The following PCDH12 variants were observed in gnomAD, a reference collection of about 807,000 sequenced individuals.
PCDH12 encodes the protein protocadherin-12.
In PCDH12, 45 loss-of-function variants were observed where a neutral mutation model predicts 70.9. That is an observed-to-expected ratio of 0.63 (90% CI 0.50 to 0.81). The LOEUF is 0.81. PCDH12 is among the 40% of genes least tolerant of loss of function. The pLI is 0.00. For missense variants in PCDH12, 1,370 were observed against 1,491.7 expected, an observed-to-expected ratio of 0.92 and a Z score of 1.34; for synonymous variants, 567 against 626.0, an observed-to-expected ratio of 0.91 and a Z score of 1.41.
Position 141,945,390 on chromosome 5 carries a change from C to CCTGCTCCTG in PCDH12, c.3545_3546insCAGGAGCAG (p.Ser1181_Arg1182insSerArgSer), listed in dbSNP as rs1554079422. On this transcript the variant is annotated inframe_insertion, in exon 4 of 4. Coordinates refer to ENST00000231484, the MANE Select transcript of PCDH12 (RefSeq NM_016580.4). The stretch of plus-strand genomic sequence containing the variant: ...GGCGTCTGAGGTATGTTCACAGGCA[C>CCTGCTCCTG]CTGCTGCTGCTGCTGCTGCCTCTGC... 5.2e-6 allele frequency: 8 copies of CCTGCTCCTG among 1,551,174 alleles called. No individual in the cohort carries two copies. The highest frequency in any genetic ancestry group is 7.1e-6 in the Non-Finnish European group (8 of 1,133,232).
chr5:141,945,962 G>T (rs1380073421), intron 3 of PCDH12, among the ~76,000 whole-genome samples, 157 bp from the exon 4 acceptor site: 2 of 152,186 alleles, frequency 1.3e-5, no homozygotes, highest in African/African-American at 4.8e-5. Flanking sequence ...GAAGGAAGAG[G>T]CCCTGACAGG....
rs767329852 is a variant in PCDH12, at chr5:141,945,790, C to G, written c.3146G>C (p.Arg1049Pro). 6.2e-6 allele frequency: 10 copies of G among 1,612,156 alleles called. No homozygotes were observed. In the South Asian group the frequency reaches 9.9e-5, roughly 16 times the overall value. ...LDPSTGLALD[R>P]LSAPDPAWMA... Reference sequence around the variant, plus strand: ...CCAGGCCGGGTCAGGGGCGCTCAGCCGGTCCAGGGCCAGACCTGTGGGGGA... The same window carrying G: ...CCAGGCCGGGTCAGGGGCGCTCAGCGGGTCCAGGGCCAGACCTGTGGGGGA... The change falls in exon 4 of 4, where the codon CGG (arginine) becomes CCG (proline). Residue 1049 changes from arginine (R) to proline (P), a missense_variant. Transcript: ENST00000231484.
rs778658899 is a variant in PCDH12, at chr5:141,955,235, C to A, written c.2617G>T (p.Gly873Cys). Residue 873 changes from glycine to cysteine, a missense_variant, in exon 1 of 4, where the codon GGC becomes TGC. Transcript: ENST00000231484. This position sits in a 1 kb window ranked among gnomAD's most constrained non-coding sequence, Gnocchi z 5.5. ...LNLPEPQPAT[G>C]QPRSRPLKVA... ...TTCAGAGGCCTGGAACGTGGCTGGC[C>A]TGTGGCAGGCTGGGGCTCGGGAAGG... 15 of 1,614,236 alleles carry A rather than the reference C, an allele frequency of 9.3e-6. No homozygotes were observed. In the Admixed American group the frequency reaches 2.2e-4, roughly 23 times the overall value.
At chr5:141,951,613 T>C in intron 1 of PCDH12, 23 bp from the exon 2 acceptor site, 1 of 1,556,582 alleles carries the variant, frequency 6.4e-7, no homozygotes, top group Non-Finnish European at 8.9e-7. Flanking sequence ...AAAAATCTGT[T>C]GACTCCACAC....
rs767116673 is a variant in PCDH12 at position 141,956,480 on chromosome 5, G to A, written c.1372C>T (p.Pro458Ser). 6.2e-7 allele frequency: 1 copy of A among 1,614,218 alleles called. No individual in the cohort carries two copies. Among genetic ancestry groups the A allele is most frequent in the South Asian group, 1.1e-5 (1 of 91,090 alleles). Residue 458 changes from proline to serine, a missense_variant, in exon 1 of 4, where the codon CCT (proline) becomes TCT (serine). By Grantham distance (74) the Pro-to-Ser change is moderately conservative. Coordinates refer to ENST00000231484, the MANE Select transcript of PCDH12 (RefSeq NM_016580.4). ...IQISDINDNA[P>S]VFEKSRYEVS... ...TCATACCTGCTTTTCTCAAACACAG[G>A]TGCATTGTCGTTGATGTCACTGATC...
intron 3 of PCDH12, among the ~76,000 whole-genome samples, chr5:141,947,709 G>A (rs1752975223): frequency 1.3e-5 from 2 of 152,322 alleles, no homozygotes; most frequent in African/African-American, 2.4e-5. Flanking sequence ...TATCATGGTC[G>A]CATTCTCAAG....
chr5:141,956,071 G>A lies in PCDH12; in HGVS notation c.1781C>T (p.Thr594Ile), dbSNP rs1753177816. ...STGHLLVPIE[T>I]PNGLGPAGTD... The stretch of plus-strand genomic sequence containing the variant: ...GCCCGCTGGGCCCAAGCCATTGGGA[G>A]TCTCGATGGGCACCAGCAGGTGGCC... Residue 594 changes from threonine (T) to isoleucine (I), a missense_variant, in exon 1 of 4, where the codon ACT becomes ATT. Transcript: ENST00000231484. 1 of 1,614,086 alleles carries A rather than the reference G, an allele frequency of 6.2e-7. No homozygotes were observed. The highest frequency in any genetic ancestry group is 1.3e-5 in the African/African-American group (1 of 74,942).
intron 1 of PCDH12, among the ~76,000 whole-genome samples, chr5:141,954,131 G>T (rs1596645694): frequency 6.6e-6 from 1 of 152,112 alleles, no homozygotes; most frequent in African/African-American, 2.4e-5. Context: ...GGAAAATGAG[G>T]CTCAGATGTT....
chr5:141,949,539 C>A lies in PCDH12; in HGVS notation c.3023G>T (p.Gly1008Val). ...TTCCTCCTGTTCTGGGTCTGTCTGG[C>A]CTCCAGCCCTTGCACTTGGGCCATC... Reference protein sequence around the residue: ...DTDGPSARAGGQTDPEQEEGP... With the variant: ...DTDGPSARAGVQTDPEQEEGP... Residue 1008 changes from glycine (G) to valine (V), a missense_variant, in exon 3 of 4, where the codon GGC (glycine) becomes GTC (valine). Coordinates refer to ENST00000231484, the MANE Select transcript of PCDH12 (RefSeq NM_016580.4). 6.2e-7 allele frequency: 1 copy of A among 1,614,190 alleles called. No individual in the cohort carries two copies. The highest frequency in any genetic ancestry group is 8.5e-7 in the Non-Finnish European group (1 of 1,180,020).
chr5:141,957,142 G>A lies in PCDH12; in HGVS notation c.710C>T (p.Ser237Phe), dbSNP rs1165640830. The change falls in exon 1 of 4, where the codon TCC (serine) becomes TTC (phenylalanine). Residue 237 changes from serine (S) to phenylalanine (F), a missense_variant. Coordinates refer to ENST00000231484, the MANE Select transcript of PCDH12 (RefSeq NM_016580.4). This position sits in a 1 kb window ranked among gnomAD's most constrained non-coding sequence, Gnocchi z 4.3. Reference sequence around the variant, plus strand: ...AGCAAACGCAGGGCTATTGTCATTGGAGTCCAAGACGTTGACCTTGACCAA... The same window carrying A: ...AGCAAACGCAGGGCTATTGTCATTGAAGTCCAAGACGTTGACCTTGACCAA... ...TSLVKVNVLD[S>F]NDNSPAFAES... The A allele has an allele frequency of 3.7e-6, 6 of 1,614,158 alleles. No individual in the cohort carries two copies. In the South Asian group the frequency reaches 5.5e-5, roughly 15 times the overall value.
At chr5:141,951,756 C>G (rs1195060303) in intron 1 of PCDH12, among the ~76,000 whole-genome samples, 166 bp from the exon 2 acceptor site, 2 of 152,230 alleles carry the variant, frequency 1.3e-5, no homozygotes, top group Non-Finnish European at 2.9e-5. Flanking sequence ...AGACAGGGAC[C>G]TGGGCGGGCA....
chr5:141,951,684 A>G (rs554639440), intron 1 of PCDH12, 94 bp from the exon 2 acceptor site: 35 of 902,484 alleles, frequency 3.9e-5, no homozygotes, highest in South Asian at 5.4e-5. Flanking sequence ...CTTTCTTTTT[A>G]TAGTCTTTCC....
chr5:141,956,454 T>C lies in PCDH12; in HGVS notation c.1398A>G (p.Glu466=). Residue 466 remains glutamate, a synonymous_variant, in exon 1 of 4, where the codon GAA becomes GAG. Transcript: ENST00000231484. ...NAPVFEKSRY[E]VSTRENNLPS... is the part of the protein sequence containing the mutation. The stretch of plus-strand genomic sequence containing the variant: ...GTAAGTTGTTTTCCCGCGTGGAGAC[T>C]TCATACCTGCTTTTCTCAAACACAG... 1 of 1,614,240 alleles carries C rather than the reference T, an allele frequency of 6.2e-7. No individual in the cohort carries two copies. The highest frequency in any genetic ancestry group is 8.5e-7 in the Non-Finnish European group (1 of 1,180,042).
At position 141,955,243 on chromosome 5, in the gene PCDH12, G is replaced by A; in HGVS notation, c.2609C>T (p.Pro870Leu). ...CCTGGAACGTGGCTGGCCTGTGGCA[G>A]GCTGGGGCTCGGGAAGGTTCAGGTT... is the stretch of plus-strand genomic sequence containing the variant. The part of the protein sequence containing the change: ...RENLNLPEPQ[P>L]ATGQPRSRPL... Residue 870 changes from proline to leucine, a missense_variant, in exon 1 of 4, where the codon CCT (proline) becomes CTT (leucine). By Grantham distance (98) the Pro-to-Leu change is moderately conservative. Coordinates refer to ENST00000231484, the MANE Select transcript of PCDH12 (RefSeq NM_016580.4). The surrounding 1 kb of genome is among the most constrained non-coding windows in gnomAD (Gnocchi z 5.5). 6.2e-7 allele frequency: 1 copy of A among 1,614,262 alleles called. No individual in the cohort carries two copies. Among genetic ancestry groups the A allele is most frequent in the Non-Finnish European group, 8.5e-7 (1 of 1,180,050 alleles).
Position 141,958,062 on chromosome 5 carries a change from G to T in PCDH12, c.-211C>A. Reference sequence around the variant, plus strand: ...TGGAAGCGATCTGAGATGTCCAAACGCCGATCAAGAATTGCCAGGGGAGAC... The same window carrying T: ...TGGAAGCGATCTGAGATGTCCAAACTCCGATCAAGAATTGCCAGGGGAGAC... On this transcript the variant is annotated 5_prime_UTR_variant, in exon 1 of 4. Coordinates refer to ENST00000231484, the MANE Select transcript of PCDH12 (RefSeq NM_016580.4). 1 of 597,466 alleles carries T rather than the reference G, an allele frequency of 1.7e-6. No individual in the cohort carries two copies. The highest frequency in any genetic ancestry group is 2.9e-6 in the Non-Finnish European group (1 of 347,644). 37.0% of individuals were successfully genotyped at this position (597,466 alleles called of 1,614,324 possible). A position where few individuals can be genotyped will look rare whatever the true frequency, so the allele number is the denominator to read the frequency against.
rs541286643 is a variant in PCDH12, at chr5:141,951,021, A to G, written c.2978+472T>C. 1.5e-4 allele frequency among the ~76,000 whole-genome samples: 23 copies of G among 152,308 alleles called. No individual in the cohort carries two copies. The South Asian group carries it at 4.8e-3, about 32-fold the overall frequency. On this transcript the variant is annotated intron_variant, in intron 2 of 3. Transcript: ENST00000231484. Reference sequence around the variant, plus strand: ...AGCTACTCAGAGCCTCAGTTTCTCCATCCGTAACAAGAAGTTGGATTTGAT... The same window carrying G: ...AGCTACTCAGAGCCTCAGTTTCTCCGTCCGTAACAAGAAGTTGGATTTGAT...
chr5:141,946,536 G>A (rs1445407204), intron 3 of PCDH12, among the ~76,000 whole-genome samples: 1 of 152,094 alleles, frequency 6.6e-6, no homozygotes, highest in Non-Finnish European at 1.5e-5. Context: ...GCCCAGCTGG[G>A]GCCTCTGGAA....
At position 141,955,898 on chromosome 5, in the gene PCDH12, G is replaced by A. The variant is rs1561536260; in HGVS notation, c.1954C>T (p.His652Tyr). 1 of 1,614,200 alleles carries A rather than the reference G, an allele frequency of 6.2e-7. No individual in the cohort carries two copies. Among genetic ancestry groups the A allele is most frequent in the Non-Finnish European group, 8.5e-7 (1 of 1,180,040 alleles). The change falls in exon 1 of 4, where the codon CAT (histidine) becomes TAT (tyrosine). Residue 652 changes from histidine (H) to tyrosine (Y), a missense_variant. His to Tyr is a moderately conservative substitution (Grantham distance 83, BLOSUM62 2). Transcript: ENST00000231484. The surrounding 1 kb of genome is among the most constrained non-coding windows in gnomAD (Gnocchi z 5.5). ...ACATTGACGAACAGCTGCCCCGTAT[G>A]AGGGTTGAGGATGAAGAGGTGGGCT... ...NEAHLFILNP[H>Y]TGQLFVNVTN...
Position 141,955,244 on chromosome 5 carries a change from G to T in PCDH12, c.2608C>A (p.Pro870Thr), listed in dbSNP as rs1367455915. 1.2e-6 allele frequency: 2 copies of T among 1,614,228 alleles called. No homozygotes were observed. The highest frequency in any genetic ancestry group is 3.3e-5 in the Admixed American group (2 of 60,038). The change falls in exon 1 of 4, where the codon CCT (proline) becomes ACT (threonine). Residue 870 changes from proline (P) to threonine (T), a missense_variant. Pro to Thr is a conservative substitution (Grantham distance 38, BLOSUM62 -1). Coordinates refer to ENST00000231484, the MANE Select transcript of PCDH12 (RefSeq NM_016580.4). This position sits in a 1 kb window ranked among gnomAD's most constrained non-coding sequence, Gnocchi z 5.5. ...RENLNLPEPQPATGQPRSRPL... is the reference protein window; with the variant it reads ...RENLNLPEPQTATGQPRSRPL... ...CTGGAACGTGGCTGGCCTGTGGCAG[G>T]CTGGGGCTCGGGAAGGTTCAGGTTC...
Sources: gnomAD v4.1 joint callset for allele counts (sites outside exome capture counted in the v4.1 genomes callset) on GRCh38, gnomAD v4.1.1 for gene constraint, Gnocchi (gnomAD v3.1) non-coding constraint, MANE v1.5 for transcripts, NCBI Gene and HGNC (gene_info 2026-07-23, HGNC 2026-07-21) for gene names.